Variants in RBFOX1 observed in about 807,000 individuals in gnomAD.
The protein encoded by RBFOX1 is RNA binding fox-1 homolog 1.
In RBFOX1, 8 loss-of-function variants were observed where a neutral mutation model predicts 57.7. The observed-to-expected ratio is 0.14, with a 90% CI of 0.08 to 0.25. The LOEUF (loss-of-function observed/expected upper bound fraction) is 0.25, where lower values mean the gene tolerates loss of function less well. Ranked by LOEUF, RBFOX1 falls within the 10% of genes least tolerant of loss-of-function variation. The pLI, the probability that RBFOX1 is intolerant of heterozygous loss-of-function variation, is 1.00. For missense variants in RBFOX1, 611 were observed against 548.5 expected (o/e 1.11, Z -1.14); for synonymous variants, 326 against 222.4 (o/e 1.47, Z -4.15).
chr16:6,789,054 A>T (rs1224698978), intron 3 of RBFOX1, among the ~76,000 whole-genome samples: 2 of 152,106 alleles, frequency 1.3e-5, no homozygotes, highest in Non-Finnish European at 2.9e-5. Flanking sequence ...AGAAACATGG[A>T]TGTCGCGAAA....
At chr16:5,712,160 G>A (rs780591463) in intron 3 of RBFOX1, among the ~76,000 whole-genome samples, 3 of 152,136 alleles carry the variant, frequency 2.0e-5, no homozygotes, top group African/African-American at 4.8e-5. Context: ...CAGCATAGGC[G>A]AAAACTGCCC....
At chr16:6,752,611 T>C (rs1402079257) in intron 3 of RBFOX1, among the ~76,000 whole-genome samples, 2 of 152,230 alleles carry the variant, frequency 1.3e-5, no homozygotes, top group East Asian at 1.9e-4. Context: ...CTTTTTATTA[T>C]GGCATCTTGC....
At chr16:6,626,628 T>A (rs935331982) in intron 2 of RBFOX1, among the ~76,000 whole-genome samples, 2 of 152,124 alleles carry the variant, frequency 1.3e-5, no homozygotes, top group Admixed American at 1.3e-4. Flanking sequence ...GGTATGGTGG[T>A]GCGCACCTGT....
chr16:7,188,736 G>C (rs572744359), intron 4 of RBFOX1, among the ~76,000 whole-genome samples: 5 of 152,178 alleles, frequency 3.3e-5, no homozygotes, highest in Non-Finnish European at 5.9e-5. Flanking sequence ...TGGAGATTCA[G>C]ATACAGATTT....
At chr16:5,816,562 G>T (rs1173662466) in intron 3 of RBFOX1, among the ~76,000 whole-genome samples, 1 of 152,124 alleles carries the variant, frequency 6.6e-6, no homozygotes, top group East Asian at 1.9e-4. Context: ...AGTACTTTGG[G>T]AGGTTGAGCC....
intron 1 of RBFOX1, among the ~76,000 whole-genome samples, chr16:6,149,992 A>T (rs766469757): frequency 1.3e-5 from 2 of 152,222 alleles, no homozygotes; most frequent in South Asian, 2.1e-4. Flanking sequence ...CAGACATTCA[A>T]AATCATAGCT....
intron 2 of RBFOX1, among the ~76,000 whole-genome samples, chr16:6,503,268 T>A (rs187983479): frequency 7.9e-5 from 12 of 152,326 alleles, no homozygotes; most frequent in African/African-American, 1.9e-4. Flanking sequence ...TCTATACTTA[T>A]CTATGGGCAG....
At chr16:7,200,864 C>T (rs987665489) in intron 4 of RBFOX1, among the ~76,000 whole-genome samples, 12 of 152,064 alleles carry the variant, frequency 7.9e-5, no homozygotes, top group African/African-American at 2.9e-4. Flanking sequence ...CATTATGTGA[C>T]TTTGAGGCAA....
rs992035530 is a variant in RBFOX1 at position 5,750,873 on chromosome 16, T to A, written c.319-116430T>A. 2.7e-4 allele frequency among the ~76,000 whole-genome samples: 41 copies of A among 152,238 alleles called. 1 individual carries two copies. Among genetic ancestry groups the A allele is most frequent in the Admixed American group, 2.7e-3 (41 of 15,288 alleles). ...GCATGGTGGGCTGCATCCACTGTCC[T>A]GTCCCCACTGTCTGACAAGCCCCAG... On this transcript the variant is annotated intron_variant, in intron 3 of 19. Coordinates refer to the RBFOX1 transcript ENST00000641259.
At chr16:6,047,829 G>C (rs1286698753) in intron 1 of RBFOX1, among the ~76,000 whole-genome samples, 2 of 152,108 alleles carry the variant, frequency 1.3e-5, no homozygotes, top group African/African-American at 4.8e-5. Context: ...GTATACCATG[G>C]CTGTGCCTAT....
At chr16:6,988,184 C>A (rs901072445) in intron 3 of RBFOX1, among the ~76,000 whole-genome samples, 2 of 152,166 alleles carry the variant, frequency 1.3e-5, no homozygotes, top group Non-Finnish European at 2.9e-5. Context: ...TTAGAAGTGT[C>A]CTAATGGTAA....
At chr16:5,522,473 A>G (rs749306262) in intron 2 of RBFOX1, among the ~76,000 whole-genome samples, 5 of 152,200 alleles carry the variant, frequency 3.3e-5, no homozygotes, top group Non-Finnish European at 7.3e-5. Context: ...CATGCATAGG[A>G]TGTACAGTGA....
rs137935976 is a variant in RBFOX1 at position 6,839,097 on chromosome 16, G to A, written c.-16+184447G>A. 6.5e-3 allele frequency among the ~76,000 whole-genome samples: 990 copies of A among 151,736 alleles called. 9 individuals are homozygous for A. The highest frequency in any genetic ancestry group is 0.039 in the East Asian group (199 of 5,152). ...CCTCCTGGGTTCAAGTGATTCTCCCGCCTCAGCCTCCCAAGTAGGTGAGAT... is the reference window on the plus strand; with the variant it reads ...CCTCCTGGGTTCAAGTGATTCTCCCACCTCAGCCTCCCAAGTAGGTGAGAT... On this transcript the variant is annotated intron_variant, in intron 3 of 15. Coordinates refer to ENST00000550418, the MANE Select transcript of RBFOX1 (RefSeq NM_018723.4).
In RBFOX1 at chr16:6,332,468, A is replaced by T. The variant is rs535530126; in HGVS notation, c.-64+15411A>T. ...GTAAGCTACATTAATAGGCAAAACT[A>T]TTAGGGATGGCAGGAATAATGTTGA... is the stretch of plus-strand genomic sequence containing the variant. On this transcript the variant is annotated intron_variant, in intron 2 of 15. Coordinates refer to ENST00000550418, the MANE Select transcript of RBFOX1 (RefSeq NM_018723.4). Among the ~76,000 whole-genome samples, 5 of 152,348 alleles carry T rather than the reference A, an allele frequency of 3.3e-5. No homozygotes were observed. In the South Asian group the frequency reaches 1.0e-3, roughly 32 times the overall value.
intron 4 of RBFOX1, among the ~76,000 whole-genome samples, chr16:7,169,582 C>T (rs909009534): frequency 6.6e-6 from 1 of 152,194 alleles, no homozygotes; most frequent in Non-Finnish European, 1.5e-5. Flanking sequence ...GCATCTTCAA[C>T]ACATTCCTAC....
intron 1 of RBFOX1, among the ~76,000 whole-genome samples, chr16:6,032,141 C>T (rs374907749): frequency 6.6e-5 from 10 of 151,890 alleles, no homozygotes; most frequent in Admixed American, 3.3e-4. Context: ...CTCTTTTATC[C>T]GTGCTTTCAA....
intron 4 of RBFOX1, among the ~76,000 whole-genome samples, chr16:7,498,916 A>T (rs1277672381): frequency 2.6e-5 from 4 of 152,204 alleles, no homozygotes; most frequent in South Asian, 4.1e-4. Flanking sequence ...TAAGCAACAG[A>T]TTAAGAGGAT....
At chr16:5,604,729 G>A (rs892693964), downstream of RBFOX1, among the ~76,000 whole-genome samples, 2 of 152,090 alleles carry the variant, frequency 1.3e-5, no homozygotes, top group Non-Finnish European at 2.9e-5. Flanking sequence ...TCTTCTTGGG[G>A]CCAAGTGTGC....
At chr16:5,685,101 G>A (rs2050465154) in intron 3 of RBFOX1, among the ~76,000 whole-genome samples, 1 of 152,168 alleles carries the variant, frequency 6.6e-6, no homozygotes, top group Admixed American at 6.6e-5. Flanking sequence ...ATGAAAAAAG[G>A]AGAAAAGAAG....
Sources: allele counts gnomAD v4.1 joint callset (sites outside exome capture counted in the v4.1 genomes callset), GRCh38; gene constraint gnomAD v4.1.1; transcripts MANE v1.5; gene names NCBI Gene and HGNC (gene_info 2026-07-23, HGNC 2026-07-21).